SFI1: variants seen among roughly 807,000 people sequenced by gnomAD.
The protein encoded by SFI1 is protein SFI1 homolog.
SFI1 carries 195 observed loss-of-function variants against 207.5 expected under a neutral mutation model. The ratio of observed to expected loss-of-function variants is 0.94; its 90% CI spans 0.84 to 1.06. The LOEUF (loss-of-function observed/expected upper bound fraction) is 1.06. Ranked by LOEUF, SFI1 falls within the 50% of genes least tolerant of loss-of-function variation. SFI1 has a pLI of 0.00. For synonymous variants in SFI1, 630 were observed against 598.9 expected (o/e 1.05, Z -0.76); for missense variants, 1,634 against 1,588.0 (o/e 1.03, Z -0.49).
rs2147385572 is a variant in SFI1, at chr22:31,531,132, A to C, written c.338+3A>C. Reference sequence around the variant, plus strand: ...AGAGTATTTCCCTCTAAAGCCAGGTAGTATTAGCTCAGAACAACATAATTG... The same window carrying C: ...AGAGTATTTCCCTCTAAAGCCAGGTCGTATTAGCTCAGAACAACATAATTG... On this transcript the variant is annotated splice_donor_region_variant and intron_variant, in intron 4 of 32. Transcript: ENST00000400288. 1.2e-6 allele frequency: 2 copies of C among 1,610,084 alleles called. No homozygotes were observed. The highest frequency in any genetic ancestry group is 1.7e-4 in the Middle Eastern group (1 of 6,054).
At chr22:31,601,128 C>CTTTTTTTTTT (rs11354377) in intron 15 of SFI1, among the ~76,000 whole-genome samples, 3 of 80,314 alleles carry the variant, frequency 3.7e-5, no homozygotes, top group African/African-American at 1.3e-4. Flanking sequence ...CTTTTCTTTA[C>CTTTTTTTTTT]TTTTTTTTTT....
chr22:31,608,027 G>C lies in SFI1; in HGVS notation c.2248G>C (p.Asp750His). 1 of 1,613,826 alleles carries C rather than the reference G, an allele frequency of 6.2e-7. No homozygotes were observed. Among genetic ancestry groups the C allele is most frequent in the Non-Finnish European group, 8.5e-7 (1 of 1,179,828 alleles). ...CATCTGGGAGGCCCAGAAGGTGCTG[G>C]ACAGGGGTAAGTGGGGCCCCAGAAG... ...CAIWEAQKVLDRGCLRTWFQR... is the reference protein window; with the variant it reads ...CAIWEAQKVLHRGCLRTWFQR... Residue 750 changes from aspartate to histidine, a missense_variant, in exon 22 of 33, where the codon GAC (aspartate) becomes CAC (histidine). Physicochemically the swap from Asp to His is moderately conservative, Grantham distance 81. Coordinates refer to ENST00000400288, the MANE Select transcript of SFI1 (RefSeq NM_001007467.3).
At chr22:31,613,574 C>T (rs772628390) in intron 26 of SFI1, 28 bp from the exon 27 acceptor site, 2 of 1,577,368 alleles carry the variant, frequency 1.3e-6, no homozygotes, top group African/African-American at 2.7e-5. Flanking sequence ...CAGGGTGTGG[C>T]ATGAGCTGAC....
At chr22:31,598,009 G>C (rs1212745462) in intron 15 of SFI1, among the ~76,000 whole-genome samples, 6 of 149,842 alleles carry the variant, frequency 4.0e-5, no homozygotes, top group Non-Finnish European at 8.9e-5. Context: ...ACGGAGTCTC[G>C]CTCTGTTGCC....
chr22:31,576,181 C>T (rs181669448), intron 10 of SFI1, among the ~76,000 whole-genome samples: 6 of 151,508 alleles, frequency 4.0e-5, no homozygotes, highest in East Asian at 3.9e-4. Flanking sequence ...TGTGCCACCA[C>T]GCCTGGCTAA....
At chr22:31,517,960 C>T (rs544735266) in intron 2 of SFI1, among the ~76,000 whole-genome samples, 1 of 152,174 alleles carries the variant, frequency 6.6e-6, no homozygotes, top group South Asian at 2.1e-4. Flanking sequence ...GAAGTCCTCT[C>T]CCTCCCCAAA....
intron 11 of SFI1, 43 bp downstream of exon 11, chr22:31,578,495 G>A (rs2063754333): frequency 1.3e-6 from 2 of 1,587,040 alleles, no homozygotes; most frequent in African/African-American, 2.7e-5. Context: ...TGGCAGCCTT[G>A]CTTGGGTATC....
intron 6 of SFI1, among the ~76,000 whole-genome samples, chr22:31,553,389 A>G (rs2060801669): frequency 6.7e-6 from 1 of 148,472 alleles, no homozygotes; most frequent in Non-Finnish European, 1.5e-5. Context: ...ACGGAATCTC[A>G]CTCTTGCCCA....
At chr22:31,514,507 CA>C (rs776120363) in intron 2 of SFI1, among the ~76,000 whole-genome samples, 1,912 of 48,956 alleles carry the variant, frequency 0.039, 6 homozygotes, top group African/African-American at 0.085. Context: ...GACTCTGTCT[CA>C]AAAAAAAAAA....
intron 12 of SFI1, among the ~76,000 whole-genome samples, chr22:31,580,699 C>T (rs998806894): frequency 2.6e-5 from 4 of 151,926 alleles, no homozygotes. Context: ...TGCGCCACTA[C>T]ACCTTCCTAA....
intron 4 of SFI1, among the ~76,000 whole-genome samples, chr22:31,535,829 T>C (rs1320605625): frequency 6.6e-6 from 1 of 152,138 alleles, no homozygotes; most frequent in Non-Finnish European, 1.5e-5. Flanking sequence ...CTTGAACTCA[T>C]GGGCTCAATT....
Position 31,602,716 on chromosome 22 carries a change from A to G in SFI1, c.1736A>G (p.His579Arg). 6.2e-7 allele frequency: 1 copy of G among 1,607,096 alleles called. No individual in the cohort carries two copies. The highest frequency in any genetic ancestry group is 2.2e-5 in the East Asian group (1 of 44,882). The change falls in exon 17 of 33, where the codon CAC (histidine) becomes CGC (arginine). Residue 579 changes from histidine to arginine, a missense_variant. Coordinates refer to ENST00000400288, the MANE Select transcript of SFI1 (RefSeq NM_001007467.3). The stretch of plus-strand genomic sequence containing the variant: ...GAGTGGCAAACAGTGGCCTGTGCCC[A>G]CCACCGCCACGGGCGGCTCAAGAAA... ...EQEWQTVACA[H>R]HRHGRLKKAF... is the part of the protein sequence containing the mutation.
chr22:31,570,811 T>C (rs2062870159), intron 8 of SFI1, among the ~76,000 whole-genome samples: 1 of 152,098 alleles, frequency 6.6e-6, no homozygotes, highest in Non-Finnish European at 1.5e-5. Flanking sequence ...GTTCCAGGGC[T>C]GAGCCTGCGA....
chr22:31,575,427 C>T (rs759616492), intron 10 of SFI1, 35 bp downstream of exon 10: 1 of 1,533,546 alleles, frequency 6.5e-7, no homozygotes, highest in Non-Finnish European at 8.8e-7. Context: ...TCCATTGCCT[C>T]AGCCAGGACA....
At chr22:31,514,347 T>TA (rs1399697797) in intron 2 of SFI1, among the ~76,000 whole-genome samples, 2 of 149,228 alleles carry the variant, frequency 1.3e-5, no homozygotes, top group East Asian at 4.1e-4. Context: ...CTACTAAAAA[T>TA]ACAAAAAAAA....
intron 2 of SFI1, among the ~76,000 whole-genome samples, chr22:31,511,752 C>T (rs543748331): frequency 6.6e-6 from 1 of 152,134 alleles, no homozygotes; most frequent in Admixed American, 6.6e-5. Flanking sequence ...CTCCCGGGTT[C>T]AGTGATTCTC....
chr22:31,504,579 C>T (rs1359362676), intron 1 of SFI1, among the ~76,000 whole-genome samples: 1 of 152,122 alleles, frequency 6.6e-6, no homozygotes, highest in Non-Finnish European at 1.5e-5. Context: ...TATTAGTTTC[C>T]TAGGGCTGCT....
intron 7 of SFI1, among the ~76,000 whole-genome samples, chr22:31,558,309 T>A (rs1386332324): frequency 1.3e-5 from 2 of 152,126 alleles, no homozygotes; most frequent in Admixed American, 1.3e-4. Context: ...GGAGGCTTGC[T>A]TGAGGCCGGG....
chr22:31,507,657 A>T (rs1014775822), intron 1 of SFI1, among the ~76,000 whole-genome samples: 1 of 152,202 alleles, frequency 6.6e-6, no homozygotes, highest in Non-Finnish European at 1.5e-5. Flanking sequence ...TTATGAGATA[A>T]AAACAGCCCC....
Sources: gnomAD v4.1 joint callset for allele counts (sites outside exome capture counted in the v4.1 genomes callset) on GRCh38, gnomAD v4.1.1 for gene constraint, MANE v1.5 for transcripts, NCBI Gene and HGNC (gene_info 2026-07-23, HGNC 2026-07-21) for gene names.